MTIF2: variants seen among roughly 807,000 people sequenced by gnomAD.
The protein encoded by MTIF2 is translation initiation factor IF-2, mitochondrial.
MTIF2 carries 71 observed loss-of-function variants against 83.5 expected under a neutral mutation model. That is an observed-to-expected ratio of 0.85 (90% CI 0.70 to 1.04). The LOEUF (loss-of-function observed/expected upper bound fraction) is 1.04. MTIF2 is among the 50% of genes least tolerant of loss of function. The pLI is 0.00. For missense variants in MTIF2, 957 were observed against 846.5 expected, an observed-to-expected ratio of 1.13 and a Z score of -1.62; for synonymous variants, 319 against 287.1, an observed-to-expected ratio of 1.11 and a Z score of -1.12.
At chr2:55,238,178 G>A (rs984507923) in intron 14 of MTIF2, among the ~76,000 whole-genome samples, 6 of 96,774 alleles carry the variant, frequency 6.2e-5, no homozygotes, top group African/African-American at 8.5e-5. Flanking sequence ...CTACAGGTGC[G>A]TGCCACCATG....
At chr2:55,253,789 TG>T (rs200135646) in intron 7 of MTIF2, among the ~76,000 whole-genome samples, 104,763 of 150,624 alleles carry the variant, frequency 0.7, 37,701 homozygotes, top group Non-Finnish European at 0.79. Context: ...CACTCCAGCC[TG>T]GGTGACAGAG....
intron 3 of MTIF2, among the ~76,000 whole-genome samples, chr2:55,265,511 C>T (rs1229441032): frequency 6.6e-6 from 1 of 151,634 alleles, no homozygotes; most frequent in Non-Finnish European, 1.5e-5. Context: ...ATTGTAAAGT[C>T]ATTTTAAGGT....
In MTIF2 at chr2:55,240,077, G is replaced by A. The variant is rs747169759; in HGVS notation, c.1804C>T (p.Leu602Phe). The stretch of plus-strand genomic sequence containing the variant: ...AGTTCCTCTTGCAAATCTTCAACAA[G>A]ACGGTAAATTATTTTGTGAAGTTTA... ...KIKLHKIIYR[L>F]VEDLQEELSS... Residue 602 changes from leucine to phenylalanine, a missense_variant, in exon 14 of 16, where the codon CTT becomes TTT. Physicochemically the swap from Leu to Phe is conservative, Grantham distance 22. This residue lies in a region of MTIF2 where 221 missense variants were observed against 180.6 expected (regional missense o/e 1.22). Coordinates refer to ENST00000263629, the MANE Select transcript of MTIF2 (RefSeq NM_002453.3). 2 of 1,613,600 alleles carry A rather than the reference G, an allele frequency of 1.2e-6. No homozygotes were observed. The highest frequency in any genetic ancestry group is 1.7e-6 in the Non-Finnish European group (2 of 1,180,008).
intron 3 of MTIF2, among the ~76,000 whole-genome samples, chr2:55,266,767 T>C (rs1429025534): frequency 7.2e-6 from 1 of 138,664 alleles, no homozygotes; most frequent in Non-Finnish European, 1.6e-5. Flanking sequence ...TTCATTCTTT[T>C]TTTTTTTTTT....
In MTIF2 at chr2:55,267,633, T is replaced by C. The variant is rs1226604509; in HGVS notation, c.-72A>G. The C allele has an allele frequency of 1.2e-5, 2 of 165,466 alleles. No homozygotes were observed. Among genetic ancestry groups the C allele is most frequent in the Non-Finnish European group, 2.9e-5 (2 of 68,116 alleles). The allele number at this position is 165,466 out of a possible 1,614,324, so 10.2% of individuals were successfully genotyped here. A position where few individuals can be genotyped will look rare whatever the true frequency, so the allele number is the denominator to read the frequency against. ...TTTCCTATGGGCCTCATTTTCCGGATCTCTGTTAAAAATAAATAAATAAAT... is the reference window on the plus strand; with the variant it reads ...TTTCCTATGGGCCTCATTTTCCGGACCTCTGTTAAAAATAAATAAATAAAT... On this transcript the variant is annotated splice_region_variant and 5_prime_UTR_variant, in exon 3 of 16. Coordinates refer to ENST00000263629, the MANE Select transcript of MTIF2 (RefSeq NM_002453.3).
intron 12 of MTIF2, 127 bp downstream of exon 12, chr2:55,243,289 G>T: frequency 8.9e-7 from 1 of 1,121,270 alleles, no homozygotes; most frequent in Non-Finnish European, 1.2e-6. Flanking sequence ...CAAGAAATAT[G>T]TTGACTAAGA....
intron 5 of MTIF2, among the ~76,000 whole-genome samples, chr2:55,260,928 A>G (rs1455855252): frequency 6.6e-6 from 1 of 152,198 alleles, no homozygotes. Context: ...AAATGACAAT[A>G]ATATGCTCCA....
At chr2:55,254,487 A>G (rs1281105050) in intron 6 of MTIF2, among the ~76,000 whole-genome samples, 167 bp downstream of exon 6, 1 of 152,256 alleles carries the variant, frequency 6.6e-6, no homozygotes, top group Non-Finnish European at 1.5e-5. Flanking sequence ...AAGTTTTATA[A>G]TAACTTGAAT....
intron 4 of MTIF2, 77 bp downstream of exon 4, chr2:55,263,563 T>G (rs1678197071): frequency 8.8e-7 from 1 of 1,134,000 alleles, no homozygotes; most frequent in African/African-American, 1.6e-5. Context: ...TGAGCTGAGA[T>G]CGCGCCACGG....
intron 2 of MTIF2, among the ~76,000 whole-genome samples, chr2:55,268,051 G>C (rs1209105129): frequency 6.6e-6 from 1 of 151,970 alleles, no homozygotes; most frequent in Non-Finnish European, 1.5e-5. Context: ...TCAGGAGTTC[G>C]AGACCAGCCT....
intron 13 of MTIF2, among the ~76,000 whole-genome samples, chr2:55,240,440 C>T (rs1010490792): frequency 6.6e-6 from 1 of 151,950 alleles, no homozygotes; most frequent in African/African-American, 2.4e-5. Flanking sequence ...ATTAGCCGGG[C>T]GTGGTGGTGG....
intron 3 of MTIF2, among the ~76,000 whole-genome samples, chr2:55,267,161 T>C (rs563475684): frequency 5.9e-5 from 9 of 152,170 alleles, no homozygotes; most frequent in African/African-American, 2.2e-4. Flanking sequence ...TAGAATATAC[T>C]GAATTTTTTT....
intron 5 of MTIF2, among the ~76,000 whole-genome samples, chr2:55,259,080 A>T (rs1287255890): frequency 6.6e-6 from 1 of 152,178 alleles, no homozygotes; most frequent in Non-Finnish European, 1.5e-5. Flanking sequence ...GAGGTAGCTT[A>T]CACAGAGAGA....
chr2:55,260,375 G>T (rs924911500), intron 5 of MTIF2, among the ~76,000 whole-genome samples: 1 of 149,366 alleles, frequency 6.7e-6, no homozygotes, highest in Non-Finnish European at 1.5e-5. Flanking sequence ...ACTCTAGCCT[G>T]GTTAACAAGA....
chr2:55,261,947 A>T (rs1678032732), intron 5 of MTIF2, among the ~76,000 whole-genome samples: 5 of 151,082 alleles, frequency 3.3e-5, no homozygotes, highest in Admixed American at 6.6e-5. Flanking sequence ...AAACCAAAAA[A>T]AAAAAAAAAG....
Position 55,240,113 on chromosome 2 carries a change from C to A in MTIF2, c.1768G>T (p.Gly590Ter). 1 of 1,613,772 alleles carries A rather than the reference C, an allele frequency of 6.2e-7. No homozygotes were observed. Among genetic ancestry groups the A allele is most frequent in the South Asian group, 1.1e-5 (1 of 91,062 alleles). The part of the protein sequence containing the change: ...NVIQQSAAKK[G>*]VKIKLHKIIY... ...ATTTTGTGAAGTTTAATTTTTACTC[C>A]TTTTTTTGCAGCTGACTGTTGGATA... Residue 590 changes from glycine (G) to a stop codon, truncating the protein, a stop_gained, in exon 14 of 16, where the codon GGA becomes TGA. Coordinates refer to ENST00000263629, the MANE Select transcript of MTIF2 (RefSeq NM_002453.3). LOFTEE classifies it high-confidence loss of function.
At chr2:55,243,107 T>G (rs1676443757) in intron 12 of MTIF2, 27 bp from the exon 13 acceptor site, 1 of 1,571,734 alleles carries the variant, frequency 6.4e-7, no homozygotes, top group African/African-American at 1.4e-5. Context: ...TTTATAATTG[T>G]TGCTTTTAAG....
chr2:55,265,675 T>C (rs1678378250), intron 3 of MTIF2, among the ~76,000 whole-genome samples: 1 of 152,160 alleles, frequency 6.6e-6, no homozygotes, highest in African/African-American at 2.4e-5. Flanking sequence ...CTCTTTTCTT[T>C]GTGCTTTTAT....
Position 55,263,627 on chromosome 2 carries a change from A to AGG in MTIF2, c.219+12_219+13insCC. ...TCCATCTCAAAAAAAAAAAAAAAGA[A>AGG]ATCTGTAACTACCTTTTTTGTTACT... On this transcript the variant is annotated intron_variant, in intron 4 of 15. Coordinates refer to ENST00000263629, the MANE Select transcript of MTIF2 (RefSeq NM_002453.3). 6.3e-7 allele frequency: 1 copy of AGG among 1,577,172 alleles called. No homozygotes were observed.
Sources: allele counts gnomAD v4.1 joint callset (sites outside exome capture counted in the v4.1 genomes callset), GRCh38; gene constraint gnomAD v4.1.1; regional missense constraint gnomAD v4.1.1; transcripts MANE v1.5; gene names NCBI Gene and HGNC (gene_info 2026-07-23, HGNC 2026-07-21).